Variants in ABCA1 observed in about 807,000 individuals in gnomAD.
ABCA1 encodes the protein phospholipid-transporting ATPase ABCA1.
ABCA1 carries 133 observed loss-of-function variants against 262.5 expected under a neutral mutation model. The observed-to-expected ratio is 0.51, with a 90% CI of 0.44 to 0.59. The LOEUF (loss-of-function observed/expected upper bound fraction) is 0.59. Among genes scored for constraint, ABCA1 ranks in the 20% least tolerant of loss-of-function variants. The pLI is 0.00. For synonymous variants in ABCA1, 1,022 were observed against 1,043.5 expected (o/e 0.98, Z 0.40); for missense variants, 2,452 against 2,777.5 (o/e 0.88, Z 2.63).
intron 1 of ABCA1, 24 bp downstream of exon 1, chr9:104,927,911 G>A (rs1453588129): frequency 1.3e-5 from 2 of 152,298 alleles, no homozygotes; most frequent in African/African-American, 4.8e-5. Flanking sequence ...TAACGCCCAA[G>A]TAAGTCACTG....
intron 34 of ABCA1, among the ~76,000 whole-genome samples, chr9:104,800,916 C>T (rs1279405341): frequency 6.6e-6 from 1 of 152,072 alleles, no homozygotes; most frequent in Non-Finnish European, 1.5e-5. Flanking sequence ...GAGCCAGAAC[C>T]ACGCTCTGCC....
chr9:104,846,322 C>T (rs1834877587), intron 7 of ABCA1, among the ~76,000 whole-genome samples: 1 of 152,188 alleles, frequency 6.6e-6, no homozygotes, highest in Admixed American at 6.5e-5. Context: ...GAGAAAAAGA[C>T]GTGAGATCAG....
rs1020933380 is a variant in ABCA1, at chr9:104,817,744, A to C, written c.3463-340T>G. Among the ~76,000 whole-genome samples the C allele has an allele frequency of 6.6e-6, 1 of 152,190 alleles. No individual in the cohort carries two copies. Among genetic ancestry groups the C allele is most frequent in the Admixed American group, 6.5e-5 (1 of 15,284 alleles). On this transcript the variant is annotated intron_variant, in intron 23 of 49. Coordinates refer to ENST00000374736, the MANE Select transcript of ABCA1 (RefSeq NM_005502.4). The surrounding 1 kb of genome is among the most constrained non-coding windows in gnomAD (Gnocchi z 4.7). Reference sequence around the variant, plus strand: ...CTAGTTCAATGCTTCTCATGCTTTAATGTGTGTTCAACCACTCAAGAACCT... The same window carrying C: ...CTAGTTCAATGCTTCTCATGCTTTACTGTGTGTTCAACCACTCAAGAACCT...
intron 5 of ABCA1, among the ~76,000 whole-genome samples, chr9:104,864,982 G>A (rs1316169922): frequency 5.3e-5 from 8 of 152,348 alleles, no homozygotes; most frequent in Admixed American, 2.6e-4. Context: ...GGCTGTGCAC[G>A]TGCATGGTGT....
At chr9:104,802,256 A>C in intron 33 of ABCA1, 97 bp from the exon 34 acceptor site, 1 of 1,145,722 alleles carries the variant, frequency 8.7e-7, no homozygotes. Context: ...CACTGAGTCA[A>C]ATTCCTGTTC....
rs761260530 is a variant in ABCA1, at chr9:104,819,919, G to C, written c.3103+8C>G. ...GAGAGGGATAGGGAAGGTAGCTCTG[G>C]GCCGCACCTGACAGCTGGCTTGTTT... On this transcript the variant is annotated splice_region_variant and intron_variant, in intron 21 of 49. Transcript: ENST00000374736. 30 of 1,612,142 alleles carry C rather than the reference G, an allele frequency of 1.9e-5. No individual in the cohort carries two copies. In the South Asian group the frequency reaches 3.0e-4, roughly 16 times the overall value.
At position 104,819,657 on chromosome 9, in the gene ABCA1, T is replaced by C; in HGVS notation, c.3170A>G (p.Asp1057Gly). 1 of 1,614,162 alleles carries C rather than the reference T, an allele frequency of 6.2e-7. No individual in the cohort carries two copies. Among genetic ancestry groups the C allele is most frequent in the Non-Finnish European group, 8.5e-7 (1 of 1,180,048 alleles). Residue 1057 changes from aspartate (D) to glycine (G), a missense_variant, in exon 22 of 50, where the codon GAT (aspartate) becomes GGT (glycine). Physicochemically the swap from Asp to Gly is moderately conservative, Grantham distance 94. This residue lies in a region of ABCA1 where 665 missense variants were observed against 727.3 expected (regional missense o/e 0.91). Transcript: ENST00000374736. Reference sequence around the variant, plus strand: ...AGGGTCCACACCAGCTGTGGGTTCATCCAGAATGACAACCTTAGATCCCCC... The same window carrying C: ...AGGGTCCACACCAGCTGTGGGTTCACCCAGAATGACAACCTTAGATCCCCC... ...FVGGSKVVIL[D>G]EPTAGVDPYS...
At chr9:104,855,867 A>C (rs556682612) in intron 7 of ABCA1, 81 of 1,612,636 alleles carry the variant, frequency 5.0e-5, no homozygotes, top group Non-Finnish European at 6.5e-5. Flanking sequence ...AGAAACTCAC[A>C]ATACCCTTGG....
chr9:104,858,423 C>T (rs1359913165), intron 7 of ABCA1, 99 bp downstream of exon 7: 16 of 1,275,992 alleles, frequency 1.3e-5, no homozygotes, highest in South Asian at 2.4e-5. Context: ...CCCAGCCAGC[C>T]GTACTTTTCT....
Position 104,831,569 on chromosome 9 carries a change from T to C in ABCA1, c.1715+53A>G, listed in dbSNP as rs541342631. 4.8e-6 allele frequency: 7 copies of C among 1,446,056 alleles called. No individual in the cohort carries two copies. In the East Asian group the frequency reaches 1.6e-4, roughly 33 times the overall value. The allele number at this position is 1,446,056 out of a possible 1,614,324, so 89.6% of individuals were successfully genotyped here. ...TAAAGTACCTCTTGTCCTAATATAA[T>C]AGGTGCTCTGGACCTCCCCAAGACC... On this transcript the variant is annotated intron_variant, in intron 13 of 49. Coordinates refer to ENST00000374736, the MANE Select transcript of ABCA1 (RefSeq NM_005502.4).
intron 37 of ABCA1, 41 bp downstream of exon 37, chr9:104,798,380 C>A: frequency 6.2e-7 from 1 of 1,607,014 alleles, no homozygotes; most frequent in Non-Finnish European, 8.5e-7. Context: ...ATCCATGGCC[C>A]TGACAGACAT....
intron 15 of ABCA1, 130 bp downstream of exon 15, chr9:104,828,786 T>C: frequency 2.0e-6 from 2 of 1,017,098 alleles, no homozygotes; most frequent in Admixed American, 2.0e-5. Flanking sequence ...ATGGATGAAA[T>C]TGCAGGAAAT....
At chr9:104,811,754 A>G (rs1369375346) in intron 28 of ABCA1, among the ~76,000 whole-genome samples, 1 of 152,240 alleles carries the variant, frequency 6.6e-6, no homozygotes, top group African/African-American at 2.4e-5. Flanking sequence ...AACTATCTCT[A>G]TGTTGTCATT....
At chr9:104,798,392 A>G (rs1169962051) in intron 37 of ABCA1, 29 bp downstream of exon 37, 9 of 1,612,876 alleles carry the variant, frequency 5.6e-6, no homozygotes, top group Non-Finnish European at 6.8e-6. Context: ...GACAGACATC[A>G]GAAAGATACA....
chr9:104,801,116 T>TAAAAAAAAA (rs72121018), intron 34 of ABCA1, among the ~76,000 whole-genome samples: 14 of 145,410 alleles, frequency 9.6e-5, no homozygotes, highest in East Asian at 8.0e-4. Flanking sequence ...CTTGCCAGCT[T>TAAAAAAAAA]AAAAAAAAAA....
chr9:104,867,913 G>T (rs1262647183), intron 5 of ABCA1, among the ~76,000 whole-genome samples: 2 of 152,200 alleles, frequency 1.3e-5, no homozygotes, highest in Non-Finnish European at 2.9e-5. Flanking sequence ...TGGAGAAGAT[G>T]ATCTCTGAGG....
rs781725831 is a variant in ABCA1, at chr9:104,821,366, G to A, written c.2960+9C>T. The stretch of plus-strand genomic sequence containing the variant: ...AAAGGCCTATTCTTAACGTGCTGCT[G>A]GTACTCACATGTCAAACAGCACGTT... On this transcript the variant is annotated intron_variant, in intron 20 of 49. Coordinates refer to ENST00000374736, the MANE Select transcript of ABCA1 (RefSeq NM_005502.4). 7 of 1,613,956 alleles carry A rather than the reference G, an allele frequency of 4.3e-6. No individual in the cohort carries two copies. The highest frequency in any genetic ancestry group is 5.9e-6 in the Non-Finnish European group (7 of 1,179,950).
At chr9:104,922,140 G>C (rs1324421425) in intron 1 of ABCA1, among the ~76,000 whole-genome samples, 2 of 152,172 alleles carry the variant, frequency 1.3e-5, no homozygotes, top group African/African-American at 4.8e-5. Context: ...CTCCATTGTT[G>C]GAATAAATGC....
chr9:104,862,668 C>CAGGG lies in ABCA1; in HGVS notation c.422-869_422-868insCCCT, dbSNP rs1564198776. Among the ~76,000 whole-genome samples the CAGGG allele has an allele frequency of 6.9e-3, 48 of 6,970 alleles. 10 individuals are homozygous for CAGGG. Among genetic ancestry groups the CAGGG allele is most frequent in the African/African-American group, 0.024 (45 of 1,882 alleles). 4.6% of individuals were successfully genotyped at this position (6,970 alleles called of 152,430 possible). On this transcript the variant is annotated intron_variant, in intron 5 of 49. Coordinates refer to ENST00000374736, the MANE Select transcript of ABCA1 (RefSeq NM_005502.4). Reference sequence around the variant, plus strand: ...CCGGGCCGGGCCGGGCCGGGCCGGGCCGGGCCGGGCCGGGCCGGGCCGGGC... The same window carrying CAGGG: ...CCGGGCCGGGCCGGGCCGGGCCGGGCAGGGCGGGCCGGGCCGGGCCGGGCCGGGC...
Sources: allele counts gnomAD v4.1 joint callset (sites outside exome capture counted in the v4.1 genomes callset), GRCh38; gene constraint gnomAD v4.1.1; regional missense constraint gnomAD v4.1.1; non-coding constraint Gnocchi (gnomAD v3.1); transcripts MANE v1.5; gene names NCBI Gene and HGNC (gene_info 2026-07-23, HGNC 2026-07-21).